Variants in FGF13 observed in about 807,000 individuals in gnomAD.
FGF13 encodes fibroblast growth factor homologous factor 2.
Under a neutral mutation model 19.5 loss-of-function variants are expected in FGF13, and 2 were observed. That is an observed-to-expected ratio of 0.10 (90% CI 0.04 to 0.32). The LOEUF is 0.32. Among genes scored for constraint, FGF13 ranks in the 10% least tolerant of loss-of-function variants. The pLI is 1.00. For missense variants in FGF13, 113 were observed against 192.7 expected (o/e 0.59, Z 2.45); for synonymous variants, 72 against 76.9 (o/e 0.94, Z 0.33).
chrX:138,747,551 C>T (rs2090364919), intron 3 of FGF13, among the ~76,000 whole-genome samples: 1 of 111,776 alleles, frequency 8.9e-6, no homozygotes, highest in Non-Finnish European at 1.9e-5. Context: ...ACTAATTTGC[C>T]TTCAGAATCC....
chrX:138,670,716 T>C lies in FGF13; in HGVS notation c.402+32268A>G, dbSNP rs946625609. On this transcript the variant is annotated intron_variant, in intron 3 of 4. Coordinates refer to ENST00000315930, the MANE Select transcript of FGF13 (RefSeq NM_004114.5). ...GATGTTTTATTTCTTTTTGTTTCAG[T>C]ATAAAATAAAAACTAGAGATGAAAA... Among the ~76,000 whole-genome samples, 7 of 111,598 alleles carry C rather than the reference T, an allele frequency of 6.3e-5. No individual in the cohort carries two copies. The Admixed American group carries it at 6.7e-4, about 11-fold the overall frequency.
In FGF13 at chrX:138,962,593, G is replaced by C. The variant is rs185484610; in HGVS notation, c.-112-97943C>G. The stretch of plus-strand genomic sequence containing the variant: ...CACAATAGCAAAGACTTGGAACCAA[G>C]CCAAATGTCCAACAATGATAGACTG... On this transcript the variant is annotated intron_variant, in intron 1 of 2. Coordinates refer to the FGF13 transcript ENST00000421460. Among the ~76,000 whole-genome samples, 124 of 112,138 alleles carry C rather than the reference G, an allele frequency of 1.1e-3. 1 individual carries two copies. The highest frequency in any genetic ancestry group is 2.1e-3 in the African/African-American group (65 of 30,936).
At chrX:138,822,806 T>A (rs2091007648) in intron 3 of FGF13, among the ~76,000 whole-genome samples, 1 of 112,577 alleles carries the variant, frequency 8.9e-6, no homozygotes, top group South Asian at 3.7e-4. Context: ...AAGTTGTCCA[T>A]TACCACAATC....
At chrX:138,788,763 T>C (rs1417219872) in intron 3 of FGF13, among the ~76,000 whole-genome samples, 2 of 87,502 alleles carry the variant, frequency 2.3e-5, no homozygotes, top group Non-Finnish European at 4.4e-5. Context: ...CAAAGATTCC[T>C]TGGTCAAACA....
At position 139,091,739 on chromosome X, in the gene FGF13, AC is replaced by A. The variant is rs762297183; in HGVS notation, c.-113+111676del. Among the ~76,000 whole-genome samples the A allele has an allele frequency of 1.5e-3, 165 of 111,622 alleles. 2 individuals carry two copies. Among genetic ancestry groups the A allele is most frequent in the African/African-American group, 5.3e-3 (163 of 30,682 alleles). On this transcript the variant is annotated intron_variant, in intron 1 of 2. Transcript: ENST00000421460. Reference sequence around the variant, plus strand: ...AAGAAGGAGAAATACATTTAGGTAAACTGCTATATATCAGAGGCAGAAAACT... The same window carrying A: ...AAGAAGGAGAAATACATTTAGGTAAATGCTATATATCAGAGGCAGAAAACT...
chrX:138,907,760 G>A (rs1432027835), intron 1 of FGF13, among the ~76,000 whole-genome samples: 2 of 111,345 alleles, frequency 1.8e-5, no homozygotes, highest in South Asian at 3.8e-4. Context: ...TTTTCTTAAT[G>A]AGCCATATAC....
chrX:138,827,029 C>A (rs774303223), intron 3 of FGF13, among the ~76,000 whole-genome samples: 1 of 112,409 alleles, frequency 8.9e-6, no homozygotes, highest in East Asian at 2.8e-4. Context: ...ATATAGATTC[C>A]ACTTCCTGTT....
chrX:138,807,166 G>A (rs1395130528), intron 3 of FGF13: 1 of 110,367 alleles, frequency 9.1e-6, no homozygotes, highest in Admixed American at 9.7e-5. Flanking sequence ...AGGCTTTATA[G>A]TCGATGCCCC....
At chrX:139,186,647 C>A (rs1197600775) in intron 1 of FGF13, among the ~76,000 whole-genome samples, 1 of 111,945 alleles carries the variant, frequency 8.9e-6, no homozygotes, top group African/African-American at 3.3e-5. Context: ...CCAGCCCCTG[C>A]CTACCTATTC....
At chrX:139,064,231 G>A (rs1023144311) in intron 1 of FGF13, among the ~76,000 whole-genome samples, 1 of 76,808 alleles carries the variant, frequency 1.3e-5, no homozygotes, top group African/African-American at 4.5e-5. Context: ...CTGTCATTAT[G>A]TTTTAGTAAT....
At chrX:138,867,219 G>A (rs1279373126) in intron 1 of FGF13, among the ~76,000 whole-genome samples, 1 of 110,540 alleles carries the variant, frequency 9.0e-6, no homozygotes, top group Admixed American at 9.7e-5. Flanking sequence ...ACCAGCCTGG[G>A]CAACATAGTG....
At chrX:139,107,054 T>C (rs1376577273) in intron 1 of FGF13, among the ~76,000 whole-genome samples, 3 of 111,855 alleles carry the variant, frequency 2.7e-5, no homozygotes, top group African/African-American at 9.8e-5. Flanking sequence ...TATGAGACCC[T>C]GGGGATATAA....
chrX:138,658,630 A>C (rs1403796357), intron 3 of FGF13, among the ~76,000 whole-genome samples: 1 of 111,601 alleles, frequency 9.0e-6, no homozygotes, highest in Non-Finnish European at 1.9e-5. Context: ...TAAGGTCAAG[A>C]CCAGTTACAT....
At chrX:138,694,796 A>G (rs933893996) in intron 3 of FGF13, among the ~76,000 whole-genome samples, 6 of 109,808 alleles carry the variant, frequency 5.5e-5, no homozygotes, top group South Asian at 3.9e-4. Flanking sequence ...TTTCTACCTC[A>G]GTTTAGCTAT....
At chrX:139,001,894 G>A (rs993014117) in intron 1 of FGF13, among the ~76,000 whole-genome samples, 1 of 111,880 alleles carries the variant, frequency 8.9e-6, no homozygotes, top group African/African-American at 3.3e-5. Flanking sequence ...GCACACATAT[G>A]TTTATTGCAG....
At chrX:138,717,570 C>G (rs907893370) in intron 1 of FGF13, among the ~76,000 whole-genome samples, 1 of 110,298 alleles carries the variant, frequency 9.1e-6, no homozygotes, top group African/African-American at 3.3e-5. Flanking sequence ...CAAAGGTCCC[C>G]TCTGATAGGG....
intron 3 of FGF13, among the ~76,000 whole-genome samples, chrX:138,699,319 AAAG>A (rs1014732865): frequency 9.0e-6 from 1 of 111,669 alleles, no homozygotes; most frequent in Non-Finnish European, 1.9e-5. Flanking sequence ...TCGACTCCAT[AAAG>A]AATACCATTT....
At chrX:138,898,146 A>T (rs2091513253) in intron 1 of FGF13, among the ~76,000 whole-genome samples, 1 of 111,459 alleles carries the variant, frequency 9.0e-6, no homozygotes, top group African/African-American at 3.3e-5. Context: ...GACATTAACA[A>T]CAACAATACA....
At chrX:138,633,046 T>TAGA in intron 4 of FGF13, 60 bp from the exon 5 acceptor site, 6 of 1,139,107 alleles carry the variant, frequency 5.3e-6, no homozygotes, top group Non-Finnish European at 7.1e-6. Context: ...ATTGTGAAAA[T>TAGA]TTCTAAGAAT....
Sources: gnomAD v4.1 joint callset for allele counts (sites outside exome capture counted in the v4.1 genomes callset) on GRCh38, gnomAD v4.1.1 for gene constraint, MANE v1.5 for transcripts, NCBI Gene and HGNC (gene_info 2026-07-23, HGNC 2026-07-21) for gene names.